NUBPL: variants seen among roughly 807,000 people sequenced by gnomAD.
The protein encoded by NUBPL is iron-sulfur cluster transfer protein NUBPL.
NUBPL carries 31 observed loss-of-function variants against 45.7 expected under a neutral mutation model. The ratio of observed to expected loss-of-function variants is 0.68; its 90% confidence interval spans 0.51 to 0.92. NUBPL has a LOEUF of 0.92. Ranked by LOEUF, NUBPL falls within the 40% of genes least tolerant of loss-of-function variation. The pLI is 0.00. For synonymous variants in NUBPL, 144 were observed against 140.9 expected, an observed-to-expected ratio of 1.02 and a Z score of -0.15; for missense variants, 401 against 398.7, an observed-to-expected ratio of 1.01 and a Z score of -0.05.
At chr14:31,655,784 G>A (rs1253721882) in intron 4 of NUBPL, among the ~76,000 whole-genome samples, 1 of 152,230 alleles carries the variant, frequency 6.6e-6, no homozygotes, top group African/African-American at 2.4e-5. Flanking sequence ...AGCACAGGCA[G>A]AGTAGATTTA....
chr14:31,649,504 T>C (rs1434063742), intron 4 of NUBPL, among the ~76,000 whole-genome samples: 2 of 152,326 alleles, frequency 1.3e-5, no homozygotes, highest in South Asian at 2.1e-4. Flanking sequence ...ATAAATGATA[T>C]ACGCAACAAG....
chr14:31,810,103 G>T (rs1449623157), intron 7 of NUBPL, among the ~76,000 whole-genome samples: 1 of 152,130 alleles, frequency 6.6e-6, no homozygotes, highest in Non-Finnish European at 1.5e-5. Flanking sequence ...GTTGATTTGG[G>T]GCGGAGAGTT....
intron 3 of NUBPL, among the ~76,000 whole-genome samples, chr14:31,593,768 A>G (rs534552088): frequency 1.3e-5 from 2 of 152,254 alleles, no homozygotes; most frequent in Non-Finnish European, 2.9e-5. Context: ...ACTTAAAGGA[A>G]GTGAGTAAGA....
At chr14:31,576,608 T>A (rs2033724540) in intron 3 of NUBPL, among the ~76,000 whole-genome samples, 2 of 152,172 alleles carry the variant, frequency 1.3e-5, no homozygotes, top group Admixed American at 1.3e-4. Flanking sequence ...AGATTGTTGT[T>A]TCCAGTTTGC....
At chr14:31,742,237 TACACACACACAC>T (rs3035713) in intron 6 of NUBPL, among the ~76,000 whole-genome samples, 52 of 141,476 alleles carry the variant, frequency 3.7e-4, no homozygotes, top group East Asian at 1.5e-3. Context: ...AACTATTGTG[TACACACACACAC>T]ACACACACAC....
intron 8 of NUBPL, among the ~76,000 whole-genome samples, chr14:31,833,587 A>G (rs543608052): frequency 1.3e-5 from 2 of 152,362 alleles, no homozygotes; most frequent in Non-Finnish European, 2.9e-5. Context: ...AATGATACAA[A>G]TACAATGGCA....
intron 4 of NUBPL, among the ~76,000 whole-genome samples, chr14:31,617,594 G>A (rs1344300301): frequency 6.6e-6 from 1 of 152,192 alleles, no homozygotes; most frequent in East Asian, 1.9e-4. Flanking sequence ...ATTTGCATAT[G>A]TTGAACCAGC....
intron 4 of NUBPL, among the ~76,000 whole-genome samples, chr14:31,602,356 T>A (rs915167008): frequency 6.9e-6 from 1 of 144,054 alleles, no homozygotes; most frequent in East Asian, 2.0e-4. Flanking sequence ...AACCTGCACA[T>A]TGTGCACATG....
intron 6 of NUBPL, among the ~76,000 whole-genome samples, chr14:31,678,122 G>T (rs994215038): frequency 6.6e-6 from 1 of 152,212 alleles, no homozygotes; most frequent in Admixed American, 6.5e-5. Flanking sequence ...GGCTTCCACT[G>T]ATGTTCACTT....
chr14:31,710,364 C>T (rs995455968), intron 6 of NUBPL, among the ~76,000 whole-genome samples: 3 of 152,086 alleles, frequency 2.0e-5, no homozygotes, highest in Non-Finnish European at 4.4e-5. Context: ...CAACCCCTGC[C>T]CAAGAACCCA....
intron 4 of NUBPL, among the ~76,000 whole-genome samples, chr14:31,661,102 AG>A (rs2036257717): frequency 6.6e-6 from 1 of 152,220 alleles, no homozygotes; most frequent in Admixed American, 6.5e-5. Context: ...TACATACAAA[AG>A]ATTAATTAAA....
At chr14:31,642,177 T>C (rs1026511270) in intron 4 of NUBPL, among the ~76,000 whole-genome samples, 1 of 152,216 alleles carries the variant, frequency 6.6e-6, no homozygotes, top group Admixed American at 6.5e-5. Context: ...CAGAAGCTTT[T>C]TAGCTTGGTA....
chr14:31,813,524 C>CGCAT (rs1555340578), intron 7 of NUBPL, among the ~76,000 whole-genome samples: 1 of 149,080 alleles, frequency 6.7e-6, no homozygotes, highest in Non-Finnish European at 1.5e-5. Flanking sequence ...TATATACACA[C>CGCAT]ACATACATCC....
chr14:31,829,321 T>A (rs2040153841), intron 8 of NUBPL, among the ~76,000 whole-genome samples: 1 of 152,152 alleles, frequency 6.6e-6, no homozygotes, highest in Non-Finnish European at 1.5e-5. Flanking sequence ...AAACATTTTT[T>A]AAAAGAGATA....
chr14:31,690,999 C>T (rs939776564), intron 6 of NUBPL, among the ~76,000 whole-genome samples: 41 of 152,194 alleles, frequency 2.7e-4, no homozygotes, highest in African/African-American at 9.4e-4. Flanking sequence ...TTCTATGATG[C>T]GGGCACTGAA....
At chr14:31,759,660 C>T (rs1400212112) in intron 6 of NUBPL, among the ~76,000 whole-genome samples, 1 of 151,406 alleles carries the variant, frequency 6.6e-6, no homozygotes, top group African/African-American at 2.4e-5. Flanking sequence ...GGTGTGAAAG[C>T]AATGTTCATC....
intron 6 of NUBPL, among the ~76,000 whole-genome samples, chr14:31,716,862 ACCCTTGACTCATC>A (rs2037700569): frequency 6.6e-6 from 1 of 152,068 alleles, no homozygotes; most frequent in Admixed American, 6.6e-5. Flanking sequence ...CCTGAGTGTC[ACCCTTGACTCATC>A]CTTCTTTCTT....
chr14:31,592,926 A>G (rs2034180472), intron 3 of NUBPL, among the ~76,000 whole-genome samples: 1 of 152,196 alleles, frequency 6.6e-6, no homozygotes, highest in Non-Finnish European at 1.5e-5. Flanking sequence ...CCTTACCCTC[A>G]TGGGATTTAC....
At chr14:31,700,128 T>G (rs2037299090) in intron 6 of NUBPL, among the ~76,000 whole-genome samples, 1 of 152,252 alleles carries the variant, frequency 6.6e-6, no homozygotes, top group African/African-American at 2.4e-5. Flanking sequence ...GTATTCATTA[T>G]TTGGGCTTAA....
Sources: allele counts gnomAD v4.1 joint callset (sites outside exome capture counted in the v4.1 genomes callset), GRCh38; gene constraint gnomAD v4.1.1; transcripts MANE v1.5; gene names NCBI Gene and HGNC (gene_info 2026-07-23, HGNC 2026-07-21).